Variants in HCN1 observed in about 807,000 individuals in gnomAD.
HCN1 encodes potassium/sodium hyperpolarization-activated cyclic nucleotide-gated channel 1.
Under a neutral mutation model 78.9 loss-of-function variants are expected in HCN1, and 13 were observed. That is an observed-to-expected ratio of 0.16 (90% CI 0.11 to 0.26). The LOEUF (loss-of-function observed/expected upper bound fraction) is 0.26, where lower values mean the gene tolerates loss of function less well. Ranked by LOEUF, HCN1 falls within the 10% of genes least tolerant of loss-of-function variation. The probability of loss-of-function intolerance (pLI) is 1.00; values close to 1 mark genes in which losing one functional copy is unlikely to be tolerated. For missense variants in HCN1, 810 were observed against 1,154.3 expected (o/e 0.70, Z 4.32); for synonymous variants, 552 against 455.5 (o/e 1.21, Z -2.70).
At chr5:45,549,592 T>G (rs373896914) in intron 2 of HCN1, among the ~76,000 whole-genome samples, 62 of 152,148 alleles carry the variant, frequency 4.1e-4, no homozygotes, top group East Asian at 2.1e-3. Context: ...CATGGGCAAG[T>G]ACTTCATGTC....
At chr5:45,320,775 G>A (rs1272602978) in intron 5 of HCN1, among the ~76,000 whole-genome samples, 2 of 151,834 alleles carry the variant, frequency 1.3e-5, no homozygotes, top group Non-Finnish European at 2.9e-5. Flanking sequence ...TTGTCAGGTG[G>A]CAACTGAAGG....
chr5:45,510,808 T>C (rs929629793), intron 2 of HCN1, among the ~76,000 whole-genome samples: 1 of 152,166 alleles, frequency 6.6e-6, no homozygotes, highest in Middle Eastern at 3.4e-3. Flanking sequence ...AAAAGTTACT[T>C]AATGATATCT....
intron 1 of HCN1, among the ~76,000 whole-genome samples, chr5:45,693,133 A>T (rs1392598533): frequency 6.6e-6 from 1 of 152,148 alleles, no homozygotes; most frequent in Non-Finnish European, 1.5e-5. Context: ...AATTACTCAC[A>T]CATTCCTTTC....
intron 2 of HCN1, among the ~76,000 whole-genome samples, chr5:45,597,042 G>A (rs1440850320): frequency 2.6e-5 from 4 of 152,162 alleles, no homozygotes; most frequent in African/African-American, 9.7e-5. Flanking sequence ...TAGAAAAAGA[G>A]GGAATACTCC....
intron 3 of HCN1, among the ~76,000 whole-genome samples, chr5:45,437,715 C>T (rs886341207): frequency 2.1e-4 from 32 of 152,202 alleles, no homozygotes; most frequent in African/African-American, 7.7e-4. Context: ...ATACAAGATA[C>T]AATGCCAGGT....
intron 5 of HCN1, among the ~76,000 whole-genome samples, chr5:45,347,579 G>A (rs866890348): frequency 1.3e-5 from 2 of 152,128 alleles, no homozygotes; most frequent in Admixed American, 6.5e-5. Context: ...GCTACAGGAG[G>A]AAATTCAAAC....
chr5:45,552,625 T>C (rs1347056064), intron 2 of HCN1, among the ~76,000 whole-genome samples: 1 of 151,936 alleles, frequency 6.6e-6, no homozygotes. Flanking sequence ...AAAGAGCTTT[T>C]TGCTTTTAAA....
At chr5:45,580,766 C>A (rs1398757584) in intron 2 of HCN1, among the ~76,000 whole-genome samples, 2 of 152,080 alleles carry the variant, frequency 1.3e-5, no homozygotes, top group Non-Finnish European at 2.9e-5. Flanking sequence ...TCAATTCCCA[C>A]CTATGAGTGA....
At chr5:45,605,547 C>G (rs1036886106) in intron 2 of HCN1, among the ~76,000 whole-genome samples, 3 of 151,380 alleles carry the variant, frequency 2.0e-5, no homozygotes, top group Non-Finnish European at 4.4e-5. Context: ...CTGAAGAAAA[C>G]TAGTGTCAGA....
chr5:45,481,269 G>A (rs1367991788), intron 2 of HCN1, among the ~76,000 whole-genome samples: 2 of 152,156 alleles, frequency 1.3e-5, no homozygotes, highest in African/African-American at 2.4e-5. Flanking sequence ...ACACCAACAA[G>A]GATGTATATA....
chr5:45,345,344 C>G (rs1283630759), intron 5 of HCN1, among the ~76,000 whole-genome samples: 1 of 152,196 alleles, frequency 6.6e-6, no homozygotes, highest in African/African-American at 2.4e-5. Context: ...GAGATATTTT[C>G]TCCATTATCC....
Position 45,487,489 on chromosome 5 carries a change from C to CA in HCN1, c.850-25483dup, listed in dbSNP as rs550751392. On this transcript the variant is annotated intron_variant, in intron 2 of 7. Transcript: ENST00000303230. Reference sequence around the variant, plus strand: ...TTGGTTAGAGCAATGCATGGTGGCCCAATCACTATTTTTAATATATCTAGG... The same window carrying CA: ...TTGGTTAGAGCAATGCATGGTGGCCCAAATCACTATTTTTAATATATCTAGG... 2.9e-3 allele frequency among the ~76,000 whole-genome samples: 444 copies of CA among 152,054 alleles called. 3 individuals are homozygous for CA. Among genetic ancestry groups the CA allele is most frequent in the Non-Finnish European group, 4.8e-3 (324 of 67,936 alleles).
chr5:45,498,491 C>G (rs1017653397), intron 2 of HCN1, among the ~76,000 whole-genome samples: 1 of 152,012 alleles, frequency 6.6e-6, no homozygotes, highest in Non-Finnish European at 1.5e-5. Flanking sequence ...ATTCTTCTAA[C>G]TTTTTTCAAA....
chr5:45,370,952 T>C (rs1481941066), intron 4 of HCN1, among the ~76,000 whole-genome samples: 2 of 152,064 alleles, frequency 1.3e-5, no homozygotes, highest in South Asian at 2.1e-4. Flanking sequence ...TTCGAGGAGT[T>C]TGGTGATTTT....
rs1050275404 is a variant in HCN1 at position 45,297,281 on chromosome 5, C to T, written c.1618+6318G>A. 9.2e-5 allele frequency among the ~76,000 whole-genome samples: 14 copies of T among 152,072 alleles called. 1 individual carries two copies. Among genetic ancestry groups the T allele is most frequent in the African/African-American group, 3.4e-4 (14 of 41,426 alleles). On this transcript the variant is annotated intron_variant, in intron 6 of 7. Coordinates refer to ENST00000303230, the MANE Select transcript of HCN1 (RefSeq NM_021072.4). The stretch of plus-strand genomic sequence containing the variant: ...GCTATTGTTTGTGGCTTAAGAATGC[C>T]TTTAGGCGGTTTCCACCCTGGGCGG...
At chr5:45,399,177 C>A (rs1441501272) in intron 3 of HCN1, among the ~76,000 whole-genome samples, 1 of 152,192 alleles carries the variant, frequency 6.6e-6, no homozygotes, top group African/African-American at 2.4e-5. Context: ...GCTTCTCCTG[C>A]TGCTACAGAT....
At chr5:45,382,857 C>T (rs1579859129) in intron 4 of HCN1, among the ~76,000 whole-genome samples, 1 of 151,996 alleles carries the variant, frequency 6.6e-6, no homozygotes, top group African/African-American at 2.4e-5. Flanking sequence ...TGCACTTAAG[C>T]AATTGTTATG....
intron 2 of HCN1, among the ~76,000 whole-genome samples, chr5:45,585,277 T>C (rs1744187377): frequency 6.6e-6 from 1 of 152,216 alleles, no homozygotes; most frequent in Admixed American, 6.5e-5. Context: ...TTTCATTCAT[T>C]TGATCTTCCA....
intron 5 of HCN1, among the ~76,000 whole-genome samples, chr5:45,351,259 A>G (rs1746894876): frequency 1.3e-5 from 2 of 151,254 alleles, no homozygotes; most frequent in East Asian, 3.9e-4. Context: ...AAACCTGAGA[A>G]AAACAAGCAA....
Sources: gnomAD v4.1 joint callset for allele counts (sites outside exome capture counted in the v4.1 genomes callset) on GRCh38, gnomAD v4.1.1 for gene constraint, MANE v1.5 for transcripts, NCBI Gene and HGNC (gene_info 2026-07-23, HGNC 2026-07-21) for gene names.